COL25A1: variants seen among roughly 807,000 people sequenced by gnomAD.
COL25A1 encodes collagen alpha-1(XXV) chain.
In COL25A1, 103 loss-of-function variants were observed where a neutral mutation model predicts 128.4. That is an observed-to-expected ratio of 0.80 (90% confidence interval 0.68 to 0.94). The LOEUF is 0.94. Ranked by LOEUF, COL25A1 falls within the 40% of genes least tolerant of loss-of-function variation. The pLI is 0.00. For synonymous variants in COL25A1, 279 were observed against 277.2 expected, an observed-to-expected ratio of 1.01 and a Z score of -0.06; for missense variants, 745 against 840.0, an observed-to-expected ratio of 0.89 and a Z score of 1.40.
At chr4:109,032,658 T>C (rs1031970260) in intron 5 of COL25A1, among the ~76,000 whole-genome samples, 29 of 152,254 alleles carry the variant, frequency 1.9e-4, no homozygotes, top group Non-Finnish European at 4.0e-4. Flanking sequence ...TGTAATGTTA[T>C]AACCAAGAGT....
At chr4:108,998,659 C>G (rs1755027612) in intron 6 of COL25A1, among the ~76,000 whole-genome samples, 1 of 152,184 alleles carries the variant, frequency 6.6e-6, no homozygotes, top group African/African-American at 2.4e-5. Flanking sequence ...ATAGCCAAGA[C>G]AATCCTAAGC....
chr4:109,092,923 TA>T (rs752024934), intron 3 of COL25A1, among the ~76,000 whole-genome samples: 13 of 152,118 alleles, frequency 8.5e-5, no homozygotes, highest in Non-Finnish European at 1.2e-4. Context: ...AAAAATAACC[TA>T]TATTCATAGG....
At chr4:108,906,161 C>T (rs775478086) in intron 13 of COL25A1, among the ~76,000 whole-genome samples, 24 of 152,126 alleles carry the variant, frequency 1.6e-4, no homozygotes, top group Non-Finnish European at 1.9e-4. Flanking sequence ...TTACAATGGC[C>T]CCAGCCCCAC....
rs746769839 is a variant in COL25A1 at position 109,008,757 on chromosome 4, A to G, written c.438+1601T>C. On this transcript the variant is annotated intron_variant, in intron 6 of 37. Transcript: ENST00000399132. Reference sequence around the variant, plus strand: ...TGTTTATACACATACATGCGCGCGCACACACACACACACACACACGTAGGA... The same window carrying G: ...TGTTTATACACATACATGCGCGCGCGCACACACACACACACACACGTAGGA... Among the ~76,000 whole-genome samples the G allele has an allele frequency of 2.1e-3, 87 of 41,110 alleles. No homozygotes were observed. In the East Asian group the frequency reaches 0.075, roughly 35 times the overall value. 27.0% of individuals were successfully genotyped at this position (41,110 alleles called of 152,430 possible).
chr4:109,180,563 A>G (rs1277544922), intron 3 of COL25A1, among the ~76,000 whole-genome samples: 1 of 152,164 alleles, frequency 6.6e-6, no homozygotes, highest in Non-Finnish European at 1.5e-5. Context: ...TACTTAGAAT[A>G]GCACCTGTTA....
rs147697278 is a variant in COL25A1 at position 109,142,651 on chromosome 4, C to T, written c.368-92472G>A. Among the ~76,000 whole-genome samples, 643 of 152,022 alleles carry T rather than the reference C, an allele frequency of 4.2e-3. 14 individuals are homozygous for T. The highest frequency in any genetic ancestry group is 0.04 in the East Asian group (206 of 5,152). On this transcript the variant is annotated intron_variant, in intron 3 of 37. Coordinates refer to ENST00000399132, the MANE Select transcript of COL25A1 (RefSeq NM_198721.4). ...CTTTGTGTTGCATTGATCCCTTTAC[C>T]ATTATGTAATGGCCTTCTTTGTCTT...
chr4:109,114,497 T>C (rs1158228401), intron 3 of COL25A1, among the ~76,000 whole-genome samples: 2 of 151,928 alleles, frequency 1.3e-5, no homozygotes, highest in Non-Finnish European at 2.9e-5. Flanking sequence ...GTCATCCAGG[T>C]GCAAAAAGTG....
chr4:109,066,501 T>C (rs976897170), intron 3 of COL25A1, among the ~76,000 whole-genome samples: 9 of 152,222 alleles, frequency 5.9e-5, no homozygotes, highest in African/African-American at 2.2e-4. Flanking sequence ...TTGCAGTTAT[T>C]TCTTTGTAAG....
chr4:109,064,515 C>T lies in COL25A1; in HGVS notation c.368-14336G>A, dbSNP rs1161331375. Among the ~76,000 whole-genome samples the T allele has an allele frequency of 3.3e-5, 5 of 152,228 alleles. No individual in the cohort carries two copies. In the East Asian group the frequency reaches 5.8e-4, roughly 18 times the overall value. ...GTTGTTTGTATCTTTCTATCGATTC[C>T]CTTAAAATCTGTGAAATCCATTCCA... On this transcript the variant is annotated intron_variant, in intron 3 of 37. Transcript: ENST00000399132.
intron 3 of COL25A1, among the ~76,000 whole-genome samples, chr4:109,296,984 A>T (rs1725042679): frequency 6.6e-6 from 1 of 152,156 alleles, no homozygotes; most frequent in South Asian, 2.1e-4. Context: ...GAGCCAACTT[A>T]TTCTTTCCAA....
intron 6 of COL25A1, among the ~76,000 whole-genome samples, chr4:108,993,887 G>A (rs1266779466): frequency 6.6e-6 from 1 of 151,442 alleles, no homozygotes; most frequent in East Asian, 1.9e-4. Flanking sequence ...GAAATTAGGT[G>A]TTGTGGGGGA....
chr4:109,018,027 G>A (rs899593798), intron 5 of COL25A1, among the ~76,000 whole-genome samples: 2 of 151,792 alleles, frequency 1.3e-5, no homozygotes, highest in Non-Finnish European at 2.9e-5. Context: ...TTCACACACT[G>A]AGATGTCAAG....
chr4:109,115,258 A>T (rs1767426806), intron 3 of COL25A1, among the ~76,000 whole-genome samples: 1 of 152,076 alleles, frequency 6.6e-6, no homozygotes. Context: ...TCTCTTCTCC[A>T]CTTCCAGATA....
rs184231562 is a variant in COL25A1, at chr4:109,301,869, A to G, written c.151T>C (p.Tyr51His). 1.1e-4 allele frequency: 179 copies of G among 1,614,206 alleles called. No homozygotes were observed. The African/African-American group carries it at 2.3e-3, about 20-fold the overall frequency. The change falls in exon 2 of 38, where the codon TAC (tyrosine) becomes CAC (histidine). Residue 51 changes from tyrosine to histidine, a missense_variant. By Grantham distance (83) the Tyr-to-His change is moderately conservative. This residue lies in a region of COL25A1 where 319 missense variants were observed against 324.9 expected (regional missense o/e 0.98). Coordinates refer to ENST00000399132, the MANE Select transcript of COL25A1 (RefSeq NM_198721.4). ...LSVVAVVSCL[Y>H]LGVKTNDLQA... ...AGGTCGTTGGTTTTCACACCCAGGT[A>G]CAGGCAAGACACCACGGCCACCACT...
intron 19 of COL25A1, among the ~76,000 whole-genome samples, chr4:108,876,598 A>C (rs944130721): frequency 2.6e-5 from 4 of 152,180 alleles, no homozygotes; most frequent in Non-Finnish European, 5.9e-5. Context: ...AAATATATAT[A>C]ACATTATTTA....
At chr4:109,096,937 G>C (rs1415812037) in intron 3 of COL25A1, among the ~76,000 whole-genome samples, 1 of 152,156 alleles carries the variant, frequency 6.6e-6, no homozygotes, top group Non-Finnish European at 1.5e-5. Flanking sequence ...ATACAAAATA[G>C]AATGAGAGCT....
intron 11 of COL25A1, among the ~76,000 whole-genome samples, chr4:108,923,652 A>C (rs996121277): frequency 6.6e-6 from 1 of 152,172 alleles, no homozygotes; most frequent in South Asian, 2.1e-4. Flanking sequence ...AGCCTATCTA[A>C]TCTTCCTTAC....
intron 3 of COL25A1, among the ~76,000 whole-genome samples, chr4:109,173,391 A>G (rs1001383823): frequency 6.6e-5 from 10 of 152,186 alleles, no homozygotes; most frequent in African/African-American, 2.4e-4. Flanking sequence ...TGTCCAAGAT[A>G]CTTCCTGATG....
chr4:108,832,692 C>T (rs1014560072), intron 31 of COL25A1: 3 of 334,758 alleles, frequency 9.0e-6, no homozygotes, highest in African/African-American at 6.4e-5. Flanking sequence ...TATCTTTTTC[C>T]TCTGACTAAA....
Sources: gnomAD v4.1 joint callset for allele counts (sites outside exome capture counted in the v4.1 genomes callset) on GRCh38, gnomAD v4.1.1 for gene constraint, gnomAD v4.1.1 regional missense constraint, MANE v1.5 for transcripts, NCBI Gene and HGNC (gene_info 2026-07-23, HGNC 2026-07-21) for gene names.